The following PTH2R variants were observed in gnomAD, a reference collection of about 807,000 sequenced individuals.
The protein encoded by PTH2R is PTH2 receptor.
Under a neutral mutation model 60.3 loss-of-function variants are expected in PTH2R, and 59 were observed. The observed-to-expected ratio is 0.98, with a 90% CI of 0.79 to 1.22. The LOEUF (loss-of-function observed/expected upper bound fraction) is 1.22. Ranked by LOEUF, PTH2R falls within the 50% of genes most tolerant of loss-of-function variation. The pLI, the probability that PTH2R is intolerant of heterozygous loss-of-function variation, is 0.00. For synonymous variants in PTH2R, 256 were observed against 243.8 expected, an observed-to-expected ratio of 1.05 and a Z score of -0.47; for missense variants, 749 against 682.6, an observed-to-expected ratio of 1.10 and a Z score of -1.08.
intron 1 of PTH2R, among the ~76,000 whole-genome samples, chr2:208,388,109 A>G (rs1701035401): frequency 6.8e-6 from 1 of 146,364 alleles, no homozygotes; most frequent in African/African-American, 2.6e-5. Flanking sequence ...GGAGATCAAG[A>G]CCATTCTGGC....
chr2:208,390,551 T>A (rs1452906554), intron 1 of PTH2R, among the ~76,000 whole-genome samples: 1 of 152,208 alleles, frequency 6.6e-6, no homozygotes, highest in African/African-American at 2.4e-5. Context: ...TGTGATGTAT[T>A]ACTAAGTCCG....
At chr2:208,377,523 G>A (rs1184610526) in intron 1 of PTH2R, among the ~76,000 whole-genome samples, 4 of 148,598 alleles carry the variant, frequency 2.7e-5, no homozygotes, top group Admixed American at 2.6e-4. Flanking sequence ...CCTCCCAGAC[G>A]GGGCGGCTGG....
intron 1 of PTH2R, among the ~76,000 whole-genome samples, chr2:208,388,301 A>G (rs1701045086): frequency 6.6e-6 from 1 of 152,124 alleles, no homozygotes; most frequent in African/African-American, 2.4e-5. Context: ...TGGGTGACAG[A>G]GCGAGACTCC....
At chr2:208,492,498 C>T (rs1023411048) in intron 12 of PTH2R, among the ~76,000 whole-genome samples, 4 of 151,988 alleles carry the variant, frequency 2.6e-5, no homozygotes, top group Non-Finnish European at 4.4e-5. Flanking sequence ...AGTATAAACA[C>T]GTTTAGGCCA....
chr2:208,407,016 C>A lies in PTH2R; in HGVS notation c.-28C>A. 2 of 1,378,076 alleles carry A rather than the reference C, an allele frequency of 1.5e-6. No homozygotes were observed. The highest frequency in any genetic ancestry group is 2.1e-5 in the South Asian group (1 of 48,734). The allele number at this position is 1,378,076 out of a possible 1,614,324, so 85.4% of individuals were successfully genotyped here. A position where few individuals can be genotyped will look rare whatever the true frequency, so the allele number is the denominator to read the frequency against. On this transcript the variant is annotated 5_prime_UTR_variant, in exon 1 of 13. Transcript: ENST00000272847. ...TTCTCCCGGGCTCTGGAGGAGGGTC[C>A]CTGCTTCTTCCTACAGCCGTTCCGG...
chr2:208,378,101 C>A (rs6735927), intron 1 of PTH2R, among the ~76,000 whole-genome samples: 1 of 151,524 alleles, frequency 6.6e-6, no homozygotes, highest in Admixed American at 6.6e-5. Flanking sequence ...CTGAGTGAAC[C>A]AGACTCCGTC....
chr2:208,462,574 C>A (rs188655010), intron 9 of PTH2R, among the ~76,000 whole-genome samples: 2 of 152,240 alleles, frequency 1.3e-5, no homozygotes, highest in African/African-American at 4.8e-5. Flanking sequence ...CACAGTGAAC[C>A]CAAGTTGATA....
intron 9 of PTH2R, among the ~76,000 whole-genome samples, chr2:208,472,705 T>A (rs1158490109): frequency 6.6e-6 from 1 of 152,208 alleles, no homozygotes; most frequent in East Asian, 1.9e-4. Flanking sequence ...AGCATGTAAA[T>A]GGACTAATAC....
intron 8 of PTH2R, among the ~76,000 whole-genome samples, chr2:208,458,986 G>A (rs1702577019): frequency 1.4e-5 from 2 of 145,228 alleles, no homozygotes; most frequent in Admixed American, 6.8e-5. Context: ...GGGATTGCTG[G>A]GTTGAATGGT....
intron 1 of PTH2R, among the ~76,000 whole-genome samples, chr2:208,408,334 T>G (rs1701460718): frequency 6.6e-6 from 1 of 152,194 alleles, no homozygotes; most frequent in Non-Finnish European, 1.5e-5. Flanking sequence ...AAAAATTTGG[T>G]GATAAATTTC....
At chr2:208,432,194 C>T (rs919549337) in intron 2 of PTH2R, among the ~76,000 whole-genome samples, 1 of 152,190 alleles carries the variant, frequency 6.6e-6, no homozygotes, top group African/African-American at 2.4e-5. Flanking sequence ...TCAGAGATCA[C>T]CTAGGCCAAC....
intron 1 of PTH2R, among the ~76,000 whole-genome samples, chr2:208,413,544 A>C (rs953395812): frequency 3.3e-5 from 5 of 152,206 alleles, no homozygotes; most frequent in Non-Finnish European, 7.3e-5. Context: ...TCAATAGTGC[A>C]AGAACTACAC....
intron 1 of PTH2R, among the ~76,000 whole-genome samples, chr2:208,378,423 A>G (rs1700851338): frequency 6.6e-6 from 1 of 152,096 alleles, no homozygotes; most frequent in South Asian, 2.1e-4. Context: ...GCCTCTTTCA[A>G]TATGTAAGGT....
intron 1 of PTH2R, among the ~76,000 whole-genome samples, chr2:208,378,674 C>A (rs1700856658): frequency 6.6e-6 from 1 of 151,978 alleles, no homozygotes; most frequent in Admixed American, 6.6e-5. Flanking sequence ...GGAAGCAGGC[C>A]CTCACTACAT....
At chr2:208,441,404 C>T (rs979732751) in intron 4 of PTH2R, among the ~76,000 whole-genome samples, 2 of 152,144 alleles carry the variant, frequency 1.3e-5, no homozygotes, top group African/African-American at 4.8e-5. Flanking sequence ...AGCTGTCTAG[C>T]AGCTCTTTAT....
intron 1 of PTH2R, among the ~76,000 whole-genome samples, chr2:208,363,806 T>C (rs1313493475): frequency 6.6e-6 from 1 of 152,238 alleles, no homozygotes; most frequent in Non-Finnish European, 1.5e-5. Context: ...GTTGGCCGCA[T>C]GTGTCTTCTT....
intron 8 of PTH2R, among the ~76,000 whole-genome samples, chr2:208,454,644 G>T (rs1008564540): frequency 1.4e-4 from 21 of 152,298 alleles, no homozygotes; most frequent in African/African-American, 5.1e-4. Flanking sequence ...GCTATCACAC[G>T]TCAAGCAGAT....
At chr2:208,447,308 G>C (rs1204004028) in intron 7 of PTH2R, among the ~76,000 whole-genome samples, 1 of 151,960 alleles carries the variant, frequency 6.6e-6, no homozygotes, top group African/African-American at 2.4e-5. Context: ...TTGGAAGGAG[G>C]CTGGGCGCAG....
chr2:208,408,472 T>G (rs959895576), intron 1 of PTH2R, among the ~76,000 whole-genome samples: 1 of 152,114 alleles, frequency 6.6e-6, no homozygotes, highest in African/African-American at 2.4e-5. Context: ...AACCGTTTAT[T>G]TTATTTAGTG....
Sources: allele counts gnomAD v4.1 joint callset (sites outside exome capture counted in the v4.1 genomes callset), GRCh38; gene constraint gnomAD v4.1.1; transcripts MANE v1.5; gene names NCBI Gene and HGNC (gene_info 2026-07-23, HGNC 2026-07-21).